The following SYNE2 variants were observed in gnomAD, a reference collection of about 807,000 sequenced individuals.
SYNE2 encodes spectrin repeat containing nuclear envelope protein 2.
Under a neutral mutation model 856.3 loss-of-function variants are expected in SYNE2, and 431 were observed. That is an observed-to-expected ratio of 0.50 (90% CI 0.47 to 0.55). The LOEUF is 0.55. Ranked by LOEUF, SYNE2 falls within the 20% of genes least tolerant of loss-of-function variation. SYNE2 has a pLI of 0.00. For synonymous variants in SYNE2, 2,923 were observed against 2,872.3 expected (o/e 1.02, Z -0.56); for missense variants, 8,129 against 8,023.2 (o/e 1.01, Z -0.50).
intron 1 of SYNE2, among the ~76,000 whole-genome samples, chr14:63,794,036 A>G (rs1162499649): frequency 1.3e-5 from 2 of 152,192 alleles, no homozygotes; most frequent in Non-Finnish European, 2.9e-5. Flanking sequence ...GTTTGTGGAA[A>G]GTATCTTTAA....
intron 6 of SYNE2, among the ~76,000 whole-genome samples, chr14:63,944,221 G>A (rs2095977011): frequency 1.3e-5 from 2 of 149,260 alleles, no homozygotes; most frequent in Admixed American, 6.7e-5. Flanking sequence ...TAACAAAATG[G>A]GGGTCATGTT....
intron 79 of SYNE2, among the ~76,000 whole-genome samples, chr14:64,138,955 G>A (rs1326064142): frequency 4.6e-5 from 5 of 107,980 alleles, no homozygotes; most frequent in East Asian, 4.7e-4. Flanking sequence ...TGGTGTGTGT[G>A]TGTGTGTGTG....
intron 1 of SYNE2, among the ~76,000 whole-genome samples, chr14:63,785,621 CA>C (rs1455638542): frequency 2.0e-5 from 3 of 152,064 alleles, no homozygotes; most frequent in African/African-American, 7.2e-5. Flanking sequence ...TGGCATGATC[CA>C]AAAAAGAACC....
intron 65 of SYNE2, among the ~76,000 whole-genome samples, chr14:64,109,124 C>T (rs2097789484): frequency 1.3e-5 from 2 of 151,828 alleles, no homozygotes; most frequent in Admixed American, 6.6e-5. Context: ...ATCTGCCCAC[C>T]GTAATGTTAT....
chr14:64,098,450 C>T, intron 62 of SYNE2: 1 of 582,746 alleles, frequency 1.7e-6, no homozygotes, highest in Non-Finnish European at 3.0e-6. Context: ...CAGCCCTTTG[C>T]AGACTCAAGA....
In SYNE2 at chr14:64,162,133, C is replaced by T. The variant is rs184745422; in HGVS notation, c.16156C>T (p.Leu5386Phe). 347 of 1,614,196 alleles carry T rather than the reference C, an allele frequency of 2.1e-4. 6 individuals carry two copies. The Admixed American group carries it at 5.6e-3, about 26-fold the overall frequency. ...QLQKAQSLLQLWKAYSNAHGE... is the reference protein window; with the variant it reads ...QLQKAQSLLQFWKAYSNAHGE... ...GCAGAAGGCCCAGAGTCTGCTCCAG[C>T]TCTGGAAGGCCTATAGCAATGCTCA... Residue 5386 changes from leucine to phenylalanine, a missense_variant, in exon 88 of 116, where the codon CTC becomes TTC. Leu to Phe is a conservative substitution (Grantham distance 22). Transcript: ENST00000555002.
rs577427008 is a variant in SYNE2 at position 64,139,956 on chromosome 14, G to C, written c.14859G>C (p.Ser4953=). 2 of 1,613,844 alleles carry C rather than the reference G, an allele frequency of 1.2e-6. No homozygotes were observed. The highest frequency in any genetic ancestry group is 2.7e-5 in the African/African-American group (2 of 74,890). ...LKHLLSYNRD[S]DQLTKWLESS... ...CTCCTGTTAGTTATAACAGAGATTCGGATCAGTTAACCAAGTGGTTGGAAT... is the reference window on the plus strand; with the variant it reads ...CTCCTGTTAGTTATAACAGAGATTCCGATCAGTTAACCAAGTGGTTGGAAT... The change falls in exon 80 of 116, where the codon TCG becomes TCC. Residue 4953 remains serine (S), a synonymous_variant. Coordinates refer to ENST00000555002, the MANE Select transcript of SYNE2 (RefSeq NM_182914.3).
At chr14:63,834,307 G>A (rs1000965496) in intron 1 of SYNE2, among the ~76,000 whole-genome samples, 2 of 152,032 alleles carry the variant, frequency 1.3e-5, no homozygotes, top group African/African-American at 4.8e-5. Flanking sequence ...AGGTTGCAGT[G>A]AGCTGAGATT....
chr14:63,788,233 G>C (rs1887610369), intron 1 of SYNE2, among the ~76,000 whole-genome samples: 1 of 152,194 alleles, frequency 6.6e-6, no homozygotes, highest in Admixed American at 6.5e-5. Flanking sequence ...GCTGGGACAG[G>C]GATGAGGAAG....
intron 70 of SYNE2, among the ~76,000 whole-genome samples, chr14:64,123,134 G>T (rs945077421): frequency 6.6e-6 from 1 of 151,770 alleles, no homozygotes; most frequent in South Asian, 2.1e-4. Context: ...ACTATACAGC[G>T]CTACAATGAG....
rs975945589 is a variant in SYNE2, at chr14:64,106,392, G to A, written c.12493-1099G>A. 2.6e-5 allele frequency among the ~76,000 whole-genome samples: 4 copies of A among 152,332 alleles called. No individual in the cohort carries two copies. The East Asian group carries it at 7.7e-4, about 29-fold the overall frequency. On this transcript the variant is annotated intron_variant, in intron 64 of 115. Coordinates refer to ENST00000555002, the MANE Select transcript of SYNE2 (RefSeq NM_182914.3). ...TGGCCGGGCATGGTGGCTCACGCCT[G>A]TAATCCCAGCACTTTGGGAGGCCGA... is the stretch of plus-strand genomic sequence containing the variant.
intron 8 of SYNE2, among the ~76,000 whole-genome samples, chr14:63,957,672 A>C (rs948693352): frequency 1.8e-4 from 27 of 151,974 alleles, no homozygotes; most frequent in African/African-American, 6.5e-4. Context: ...TTCAAGACCT[A>C]GCCTGGCCAA....
At chr14:64,011,960 C>T (rs546271780) in intron 32 of SYNE2, among the ~76,000 whole-genome samples, 7 of 152,254 alleles carry the variant, frequency 4.6e-5, no homozygotes, top group Admixed American at 1.3e-4. Context: ...CACCTCTGTC[C>T]TCAGCTGTAT....
chr14:63,987,007 A>G (rs10149044), intron 19 of SYNE2, among the ~76,000 whole-genome samples: 13,989 of 152,208 alleles, frequency 0.092, 694 homozygotes, highest in South Asian at 0.17. Flanking sequence ...CAATCCCAGC[A>G]CTTTGGGCGG....
At chr14:63,808,906 C>T (rs1189697487) in intron 1 of SYNE2, among the ~76,000 whole-genome samples, 3 of 152,164 alleles carry the variant, frequency 2.0e-5, no homozygotes, top group Middle Eastern at 3.4e-3. Flanking sequence ...GCCTGTAATC[C>T]CAGCTTCTCG....
chr14:64,220,753 C>A, intron 111 of SYNE2, 116 bp downstream of exon 111: 9 of 1,218,914 alleles, frequency 7.4e-6, no homozygotes, highest in Non-Finnish European at 1.0e-5. Context: ...TGGCTGGTGT[C>A]AGGAAACATG....
intron 1 of SYNE2, among the ~76,000 whole-genome samples, chr14:63,866,714 T>G (rs1895428792): frequency 6.6e-6 from 1 of 152,066 alleles, no homozygotes; most frequent in Non-Finnish European, 1.5e-5. Flanking sequence ...GTAGCTCATG[T>G]TGAAATCCCA....
chr14:63,945,104 CTTT>C (rs34692882), intron 6 of SYNE2, among the ~76,000 whole-genome samples: 21,549 of 106,048 alleles, frequency 0.2, 2,112 homozygotes, highest in African/African-American at 0.29. Context: ...CACACCTGGC[CTTT>C]TTTTTTTTTT....
At chr14:63,850,803 A>G (rs1011747130), upstream of SYNE2, among the ~76,000 whole-genome samples, 3 of 152,182 alleles carry the variant, frequency 2.0e-5, no homozygotes, top group Non-Finnish European at 4.4e-5. Flanking sequence ...TTTCACTTCA[A>G]CAAGGGCTTG....
Sources: gnomAD v4.1 joint callset for allele counts (sites outside exome capture counted in the v4.1 genomes callset) on GRCh38, gnomAD v4.1.1 for gene constraint, MANE v1.5 for transcripts, NCBI Gene and HGNC (gene_info 2026-07-23, HGNC 2026-07-21) for gene names.